NWD2: variants seen among roughly 807,000 people sequenced by gnomAD.
The protein encoded by NWD2 is NACHT and WD repeat domain containing 2.
Under a neutral mutation model 132.7 loss-of-function variants are expected in NWD2, and 37 were observed. The ratio of observed to expected loss-of-function variants is 0.28; its 90% CI spans 0.21 to 0.37. The LOEUF (loss-of-function observed/expected upper bound fraction) is 0.37. NWD2 is among the 10% of genes least tolerant of loss of function. The probability of loss-of-function intolerance (pLI) is 1.00; values close to 1 mark genes in which losing one functional copy is unlikely to be tolerated. For synonymous variants in NWD2, 705 were observed against 803.0 expected (o/e 0.88, Z 2.06); for missense variants, 1,592 against 2,122.4 (o/e 0.75, Z 4.91).
chr4:37,282,745 C>T (rs766626241), intron 1 of NWD2, among the ~76,000 whole-genome samples: 2 of 152,184 alleles, frequency 1.3e-5, no homozygotes, highest in Non-Finnish European at 2.9e-5. Context: ...AGTAAAGCTA[C>T]ACCATGAGTA....
Position 37,389,275 on chromosome 4 carries a change from C to G in NWD2, c.357+32793C>G, listed in dbSNP as rs529885556. Among the ~76,000 whole-genome samples the G allele has an allele frequency of 2.6e-5, 4 of 152,324 alleles. 1 individual carries two copies. Among genetic ancestry groups the G allele is most frequent in the African/African-American group, 9.6e-5 (4 of 41,572 alleles). ...TTCTCCCCACAGTGCTGATAATTCT[C>G]CTTTCCTTTGAATGTACCCACTTTG... On this transcript the variant is annotated intron_variant, in intron 3 of 6. Coordinates refer to ENST00000309447, the MANE Select transcript of NWD2 (RefSeq NM_001144990.2).
intron 1 of NWD2, among the ~76,000 whole-genome samples, chr4:37,287,984 A>G (rs1366801170): frequency 6.6e-6 from 1 of 152,224 alleles, no homozygotes; most frequent in Non-Finnish European, 1.5e-5. Flanking sequence ...ACAGCCATAC[A>G]AAGGAATGAG....
At chr4:37,367,770 G>A (rs1720131502) in intron 3 of NWD2, among the ~76,000 whole-genome samples, 1 of 152,104 alleles carries the variant, frequency 6.6e-6, no homozygotes, top group African/African-American at 2.4e-5. Context: ...ACCAACCCAT[G>A]GGGCTGTTAT....
chr4:37,393,691 C>T (rs184089617), intron 3 of NWD2, among the ~76,000 whole-genome samples: 258 of 152,336 alleles, frequency 1.7e-3, no homozygotes, highest in African/African-American at 5.8e-3. Context: ...TTTGGGGTTA[C>T]TGGCTTCCTA....
chr4:37,362,820 T>C (rs915914022), intron 3 of NWD2, among the ~76,000 whole-genome samples: 1 of 152,092 alleles, frequency 6.6e-6, no homozygotes, highest in Admixed American at 6.5e-5. Flanking sequence ...TGGTACCTAA[T>C]AAAACTAAAC....
rs1261939397 is a variant in NWD2 at position 37,245,205 on chromosome 4, C to T, written c.138C>T (p.Ser46=). 3 of 1,540,312 alleles carry T rather than the reference C, an allele frequency of 1.9e-6. No individual in the cohort carries two copies. The highest frequency in any genetic ancestry group is 2.0e-5 in the Admixed American group (1 of 50,684). The change falls in exon 1 of 7, where the codon AGC becomes AGT. Residue 46 remains serine (S), a synonymous_variant. Transcript: ENST00000309447. ...GCCGCAGCGTCCGGGTCTTCATCAG[C>T]GCCAACCCTGAAGGTACGTCCCTCG... The part of the protein sequence containing the change: ...PAGRSVRVFI[S]ANPEDTGAER...
At chr4:37,368,855 C>G (rs1720151885) in intron 3 of NWD2, among the ~76,000 whole-genome samples, 1 of 152,126 alleles carries the variant, frequency 6.6e-6, no homozygotes, top group South Asian at 2.1e-4. Flanking sequence ...GGAGGACATC[C>G]TGTTGAGATT....
Position 37,335,308 on chromosome 4 carries a change from G to GTT in NWD2, c.240+9284_240+9285insTT, listed in dbSNP as rs1405236650. Among the ~76,000 whole-genome samples, 6 of 123,316 alleles carry GTT rather than the reference G, an allele frequency of 4.9e-5. No homozygotes were observed. The Admixed American group carries it at 5.3e-4, about 11-fold the overall frequency. The allele number at this position is 123,316 out of a possible 152,430, so 80.9% of individuals were successfully genotyped here. ...TCTGACTGGGGGGTGGGCGGGGGGG[G>GTT]GGGGCTTAAATTGCCTCCCAGGCAA... On this transcript the variant is annotated intron_variant, in intron 2 of 6. Coordinates refer to ENST00000309447, the MANE Select transcript of NWD2 (RefSeq NM_001144990.2).
At chr4:37,347,611 A>T (rs948240023) in intron 2 of NWD2, among the ~76,000 whole-genome samples, 3 of 152,134 alleles carry the variant, frequency 2.0e-5, no homozygotes, top group Non-Finnish European at 4.4e-5. Flanking sequence ...GATTATTCCT[A>T]TATTGCTCTA....
At chr4:37,313,264 C>A (rs1577664678) in intron 1 of NWD2, among the ~76,000 whole-genome samples, 1 of 151,024 alleles carries the variant, frequency 6.6e-6, no homozygotes, top group African/African-American at 2.5e-5. Flanking sequence ...GTCCTGGACT[C>A]TTTTTGGTTG....
intron 3 of NWD2, among the ~76,000 whole-genome samples, chr4:37,409,732 A>G (rs1320572167): frequency 6.6e-6 from 1 of 152,182 alleles, no homozygotes; most frequent in Admixed American, 6.5e-5. Context: ...AAATGAAGGA[A>G]AAAATGTTAA....
At chr4:37,338,468 A>G (rs1719456017) in intron 2 of NWD2, among the ~76,000 whole-genome samples, 1 of 152,260 alleles carries the variant, frequency 6.6e-6, no homozygotes, top group South Asian at 2.1e-4. Flanking sequence ...CTTGAAAACT[A>G]AAGTTCCTTG....
At chr4:37,418,669 G>T (rs1190872619) in intron 3 of NWD2, among the ~76,000 whole-genome samples, 1 of 151,410 alleles carries the variant, frequency 6.6e-6, no homozygotes, top group Admixed American at 6.6e-5. Context: ...TAACCCTTTG[G>T]GTTATAAATC....
At chr4:37,278,113 G>A (rs1476891191) in intron 1 of NWD2, among the ~76,000 whole-genome samples, 1 of 152,134 alleles carries the variant, frequency 6.6e-6, no homozygotes, top group Non-Finnish European at 1.5e-5. Flanking sequence ...ATGACTGTGT[G>A]TATGGGATGG....
intron 3 of NWD2, among the ~76,000 whole-genome samples, chr4:37,399,582 T>C (rs1213697546): frequency 6.6e-6 from 1 of 152,216 alleles, no homozygotes; most frequent in East Asian, 1.9e-4. Flanking sequence ...AAAATAGCTC[T>C]CTTTCCCACT....
At position 37,245,123 on chromosome 4, in the gene NWD2, G is replaced by C; in HGVS notation, c.56G>C (p.Arg19Pro). The C allele has an allele frequency of 6.5e-7, 1 of 1,547,754 alleles. No individual in the cohort carries two copies. Among genetic ancestry groups the C allele is most frequent in the Non-Finnish European group, 8.7e-7 (1 of 1,146,612 alleles). ...CCCTGTCCCCGAGACTCTGCGCTCCGGCGGGCGGCTTTCTCTGGGAACCTC... is the reference window on the plus strand; with the variant it reads ...CCCTGTCCCCGAGACTCTGCGCTCCCGCGGGCGGCTTTCTCTGGGAACCTC... The part of the protein sequence containing the change: ...KLPCPRDSAL[R>P]RAAFSGNLTA... The change falls in exon 1 of 7, where the codon CGG becomes CCG. Residue 19 changes from arginine (R) to proline (P), a missense_variant. By Grantham distance (103) the Arg-to-Pro change is moderately radical. This residue lies in a region of NWD2 where 88 missense variants were observed against 92.8 expected (regional missense o/e 0.95). Transcript: ENST00000309447.
chr4:37,444,109 C>T lies in NWD2; in HGVS notation c.2121C>T (p.Tyr707=), dbSNP rs1187626767. ...ATCCCCTGAGAGTACCTTACTTGTA[C>T]ATTGCAAGGCTCAAGGAGGGTCTCA... ...PSNPLRVPYL[Y]IARLKEGLSG... is the part of the protein sequence containing the mutation. The change falls in exon 7 of 7, where the codon TAC becomes TAT. Residue 707 remains tyrosine, a synonymous_variant. Coordinates refer to ENST00000309447, the MANE Select transcript of NWD2 (RefSeq NM_001144990.2). The surrounding 1 kb of genome is among the most constrained non-coding windows in gnomAD (Gnocchi z 4.8). The T allele has an allele frequency of 5.2e-6, 8 of 1,551,730 alleles. No individual in the cohort carries two copies. The South Asian group carries it at 8.3e-5, about 16-fold the overall frequency.
chr4:37,363,203 G>A (rs910453109), intron 3 of NWD2, among the ~76,000 whole-genome samples: 12 of 152,066 alleles, frequency 7.9e-5, no homozygotes, highest in African/African-American at 2.4e-4. Context: ...ATACATTGTC[G>A]GTGGAAATGT....
chr4:37,432,857 G>A (rs923516709), intron 4 of NWD2, among the ~76,000 whole-genome samples: 3 of 152,100 alleles, frequency 2.0e-5, no homozygotes, highest in Non-Finnish European at 2.9e-5. Flanking sequence ...AAAGGAAGAG[G>A]GGAAAGGTGG....
Sources: allele counts gnomAD v4.1 joint callset (sites outside exome capture counted in the v4.1 genomes callset), GRCh38; gene constraint gnomAD v4.1.1; regional missense constraint gnomAD v4.1.1; non-coding constraint Gnocchi (gnomAD v3.1); transcripts MANE v1.5; gene names NCBI Gene and HGNC (gene_info 2026-07-23, HGNC 2026-07-21).